The following BAG4 variants were observed in gnomAD, a reference collection of about 807,000 sequenced individuals.
The protein encoded by BAG4 is BAG cochaperone 4.
Under a neutral mutation model 52.1 loss-of-function variants are expected in BAG4, and 28 were observed. The observed-to-expected ratio is 0.54, with a 90% CI of 0.40 to 0.74. The LOEUF is 0.74. Among genes scored for constraint, BAG4 ranks in the 30% least tolerant of loss-of-function variants. The pLI is 0.00. For synonymous variants in BAG4, 208 were observed against 217.0 expected (o/e 0.96, Z 0.37); for missense variants, 525 against 572.0 (o/e 0.92, Z 0.84).
At chr8:38,192,592 T>C (rs77367699) in intron 1 of BAG4, 96 bp from the exon 2 acceptor site, 3 of 547,298 alleles carry the variant, frequency 5.5e-6, no homozygotes, top group Middle Eastern at 5.6e-4. Flanking sequence ...TGTCTATTGC[T>C]TTTTTTTTTA....
chr8:38,188,588 CAT>C (rs548979998), intron 1 of BAG4, among the ~76,000 whole-genome samples: 239 of 149,564 alleles, frequency 1.6e-3, no homozygotes, highest in African/African-American at 4.5e-3. Context: ...CGTGTATACA[CAT>C]ATATATATGC....
intron 2 of BAG4, among the ~76,000 whole-genome samples, chr8:38,197,620 C>T (rs1277481231): frequency 6.6e-6 from 1 of 152,200 alleles, no homozygotes; most frequent in Non-Finnish European, 1.5e-5. Context: ...AAGCATTGTA[C>T]ACTTAGTTTA....
At chr8:38,199,880 A>C (rs1273783333) in intron 2 of BAG4, among the ~76,000 whole-genome samples, 1 of 151,984 alleles carries the variant, frequency 6.6e-6, no homozygotes, top group Non-Finnish European at 1.5e-5. Flanking sequence ...TCTATGATTC[A>C]TTTTGAGTTA....
At chr8:38,202,739 A>C (rs1375352508) in intron 2 of BAG4, among the ~76,000 whole-genome samples, 2 of 150,916 alleles carry the variant, frequency 1.3e-5, no homozygotes, top group East Asian at 3.9e-4. Context: ...ATGGGGTCTC[A>C]CTTTGTTGCC....
chr8:38,200,691 C>T (rs189914240), intron 2 of BAG4, among the ~76,000 whole-genome samples: 114 of 152,218 alleles, frequency 7.5e-4, no homozygotes, highest in African/African-American at 2.4e-3. Context: ...CTCCACCTCC[C>T]GAGTTCAAGC....
intron 2 of BAG4, among the ~76,000 whole-genome samples, chr8:38,198,830 A>C (rs1463504199): frequency 6.6e-6 from 1 of 152,142 alleles, no homozygotes; most frequent in Non-Finnish European, 1.5e-5. Flanking sequence ...AGGGAGACGC[A>C]AACATACATT....
chr8:38,188,499 T>C (rs1290088583), intron 1 of BAG4, among the ~76,000 whole-genome samples: 1 of 151,832 alleles, frequency 6.6e-6, no homozygotes, highest in African/African-American at 2.4e-5. Context: ...TGTATCAAAA[T>C]ATCACATGTA....
chr8:38,200,692 G>T (rs1037103465), intron 2 of BAG4, among the ~76,000 whole-genome samples: 1 of 151,796 alleles, frequency 6.6e-6, no homozygotes, highest in Non-Finnish European at 1.5e-5. Flanking sequence ...TCCACCTCCC[G>T]AGTTCAAGCC....
chr8:38,179,698 G>A (rs759698767), intron 1 of BAG4, among the ~76,000 whole-genome samples: 65 of 151,936 alleles, frequency 4.3e-4, no homozygotes, highest in Middle Eastern at 3.4e-3. Flanking sequence ...CCCAGGAGGC[G>A]GAGGTTGCAG....
chr8:38,195,235 C>T (rs960385186), intron 2 of BAG4, among the ~76,000 whole-genome samples: 2 of 152,114 alleles, frequency 1.3e-5, no homozygotes, highest in Admixed American at 6.6e-5. Flanking sequence ...ACTGCATCCT[C>T]GACCTCCTGG....
intron 1 of BAG4, among the ~76,000 whole-genome samples, chr8:38,188,330 TTA>T (rs1049837301): frequency 6.0e-5 from 9 of 150,684 alleles, no homozygotes; most frequent in African/African-American, 2.2e-4. Flanking sequence ...CAAGATCCAA[TTA>T]TATGGTGTCT....
At chr8:38,204,713 A>G (rs1231597984) in intron 2 of BAG4, among the ~76,000 whole-genome samples, 3 of 152,124 alleles carry the variant, frequency 2.0e-5, no homozygotes, top group South Asian at 4.1e-4. Flanking sequence ...AACAAAAGCC[A>G]CATAAAAGCA....
intron 1 of BAG4, among the ~76,000 whole-genome samples, chr8:38,181,305 G>T (rs1803266179): frequency 6.8e-6 from 1 of 147,726 alleles, no homozygotes; most frequent in African/African-American, 2.5e-5. Flanking sequence ...CGCCATCTTG[G>T]CTCACTGCAA....
chr8:38,177,561 A>G (rs998212343), intron 1 of BAG4, among the ~76,000 whole-genome samples: 2 of 152,114 alleles, frequency 1.3e-5, no homozygotes, highest in African/African-American at 4.8e-5. Flanking sequence ...TCCCGAGGGG[A>G]AGGAACCTTT....
chr8:38,207,546 C>T lies in BAG4; in HGVS notation c.413C>T (p.Pro138Leu). The change falls in exon 3 of 5, where the codon CCA becomes CTA. Residue 138 changes from proline to leucine, a missense_variant. By Grantham distance (98) the Pro-to-Leu change is moderately conservative (BLOSUM62 -3). Transcript: ENST00000287322. The stretch of plus-strand genomic sequence containing the variant: ...TCTTATACAAATGGAGCGTATGGTC[C>T]AACATACCCCCCAGGCCCTGGGGCA... Reference protein sequence around the residue: ...LNSYTNGAYGPTYPPGPGANT... With the variant: ...LNSYTNGAYGLTYPPGPGANT... 6.2e-7 allele frequency: 1 copy of T among 1,613,536 alleles called. No homozygotes were observed. The highest frequency in any genetic ancestry group is 8.5e-7 in the Non-Finnish European group (1 of 1,179,908).
At chr8:38,202,088 A>C (rs1803689252) in intron 2 of BAG4, 1 of 151,040 alleles carries the variant, frequency 6.6e-6, no homozygotes, top group African/African-American at 2.4e-5. Context: ...AGGAGCATGG[A>C]GGGCGATTCA....
intron 1 of BAG4, among the ~76,000 whole-genome samples, chr8:38,189,916 GC>G (rs1229635232): frequency 3.3e-5 from 5 of 151,968 alleles, no homozygotes; most frequent in African/African-American, 4.8e-5. Flanking sequence ...CTCCCAGGTA[GC>G]TGGGACTACA....
intron 1 of BAG4, among the ~76,000 whole-genome samples, chr8:38,183,631 T>C (rs528524241): frequency 9.1e-4 from 138 of 152,324 alleles, no homozygotes; most frequent in Non-Finnish European, 1.7e-3. Flanking sequence ...ATTATGTCAA[T>C]GGGAGTCCCT....
chr8:38,207,184 C>T (rs1803784368), intron 2 of BAG4, among the ~76,000 whole-genome samples: 1 of 152,058 alleles, frequency 6.6e-6, no homozygotes, highest in African/African-American at 2.4e-5. Context: ...AACTCCTGAC[C>T]TCAGGTGACC....
Sources: allele counts gnomAD v4.1 joint callset (sites outside exome capture counted in the v4.1 genomes callset), GRCh38; gene constraint gnomAD v4.1.1; transcripts MANE v1.5; gene names NCBI Gene and HGNC (gene_info 2026-07-23, HGNC 2026-07-21).